The following MSRA variants were observed in gnomAD, a reference collection of about 807,000 sequenced individuals.
The protein encoded by MSRA is mitochondrial peptide methionine sulfoxide reductase.
Under a neutral mutation model 31.3 loss-of-function variants are expected in MSRA, and 54 were observed. The observed-to-expected ratio is 1.73, with a 90% CI of 1.39 to 2.17. MSRA has a LOEUF of 2.17. MSRA is among the 30% of genes most tolerant of loss of function. The pLI is 0.00. For synonymous variants in MSRA, 169 were observed against 116.5 expected, an observed-to-expected ratio of 1.45 and a Z score of -2.90; for missense variants, 507 against 300.9, an observed-to-expected ratio of 1.69 and a Z score of -5.07.
At chr8:10,124,048 C>T (rs1238504259) in intron 1 of MSRA, among the ~76,000 whole-genome samples, 1 of 151,822 alleles carries the variant, frequency 6.6e-6, no homozygotes, top group Non-Finnish European at 1.5e-5. Context: ...CTTGGGATTG[C>T]AGAGGTCGAG....
At chr8:10,406,102 C>T (rs887491501) in intron 5 of MSRA, among the ~76,000 whole-genome samples, 1 of 152,230 alleles carries the variant, frequency 6.6e-6, no homozygotes, top group Non-Finnish European at 1.5e-5. Context: ...CTGCTCTTTC[C>T]CAGTAAGGGG....
At chr8:10,101,224 TCATGGTATTTCC>T (rs1337290501) in intron 1 of MSRA, among the ~76,000 whole-genome samples, 1 of 152,172 alleles carries the variant, frequency 6.6e-6, no homozygotes, top group East Asian at 1.9e-4. Context: ...AGAACAGGGA[TCATGGTATTTCC>T]CTCACACGAT....
intron 1 of MSRA, among the ~76,000 whole-genome samples, chr8:10,066,354 C>G (rs1027379299): frequency 6.6e-6 from 1 of 152,198 alleles, no homozygotes; most frequent in Non-Finnish European, 1.5e-5. Context: ...TTCCAATTTC[C>G]CAACTAACCA....
At chr8:10,057,520 A>G (rs1294363402) in intron 1 of MSRA, among the ~76,000 whole-genome samples, 1 of 151,972 alleles carries the variant, frequency 6.6e-6, no homozygotes. Context: ...TATTGTAATT[A>G]TTGTAAAAGT....
intron 5 of MSRA, among the ~76,000 whole-genome samples, chr8:10,382,171 T>G (rs1806110581): frequency 6.6e-6 from 1 of 152,192 alleles, no homozygotes; most frequent in South Asian, 2.1e-4. Context: ...GTGGTTGAGC[T>G]GCAGTTGTTT....
chr8:10,073,656 C>A (rs1383158235), intron 1 of MSRA, among the ~76,000 whole-genome samples: 1 of 152,020 alleles, frequency 6.6e-6, no homozygotes, highest in Non-Finnish European at 1.5e-5. Flanking sequence ...AGACCTAGAG[C>A]TTGAGCCATT....
chr8:10,412,748 C>A (rs559049499), intron 5 of MSRA, among the ~76,000 whole-genome samples: 1 of 152,258 alleles, frequency 6.6e-6, no homozygotes, highest in South Asian at 2.1e-4. Context: ...TGGAGAAATG[C>A]AGATGACAGC....
chr8:10,350,590 G>A (rs1028119248), intron 5 of MSRA, among the ~76,000 whole-genome samples: 5 of 152,240 alleles, frequency 3.3e-5, no homozygotes, highest in African/African-American at 1.2e-4. Context: ...GTCAGCAGCC[G>A]TAATGTTTGA....
At chr8:10,073,280 C>T (rs59759359) in intron 1 of MSRA, among the ~76,000 whole-genome samples, 15,985 of 152,010 alleles carry the variant, frequency 0.11, 909 homozygotes, top group African/African-American at 0.14. Context: ...TATTGAGTTA[C>T]GGTAGTTCCT....
intron 1 of MSRA, among the ~76,000 whole-genome samples, chr8:10,074,193 C>T (rs1165494615): frequency 6.7e-6 from 1 of 148,810 alleles, no homozygotes; most frequent in Non-Finnish European, 1.5e-5. Flanking sequence ...TACCATTTTC[C>T]TGCCTTATCC....
In MSRA at chr8:10,377,822, A is replaced by G. The variant is rs1246863171; in HGVS notation, c.544-50326A>G. Among the ~76,000 whole-genome samples, 3 of 152,164 alleles carry G rather than the reference A, an allele frequency of 2.0e-5. No individual in the cohort carries two copies. In the East Asian group the frequency reaches 5.8e-4, roughly 29 times the overall value. ...CAGCCACGTGCTGGGTGTGGAGGCA[A>G]GTGGGTCTCCAGGGCAGCCGGCTGG... On this transcript the variant is annotated intron_variant, in intron 5 of 5. Coordinates refer to ENST00000317173, the MANE Select transcript of MSRA (RefSeq NM_012331.5).
chr8:10,357,854 C>G (rs1459644532), intron 5 of MSRA, among the ~76,000 whole-genome samples: 2 of 152,198 alleles, frequency 1.3e-5, no homozygotes, highest in African/African-American at 4.8e-5. Context: ...GACTCAAATT[C>G]AGAACTGTAT....
intron 1 of MSRA, among the ~76,000 whole-genome samples, chr8:10,060,027 C>T (rs1474131829): frequency 6.6e-6 from 1 of 151,816 alleles, no homozygotes; most frequent in East Asian, 1.9e-4. Context: ...TAAATTGGCT[C>T]AACTCCTATG....
intron 1 of MSRA, among the ~76,000 whole-genome samples, chr8:10,144,254 G>A (rs533218803): frequency 7.2e-5 from 11 of 152,298 alleles, no homozygotes; most frequent in Middle Eastern, 3.4e-3. Context: ...GTTTAGGAGC[G>A]AGAACTGTTA....
At chr8:10,381,904 T>G (rs1806093783) in intron 5 of MSRA, among the ~76,000 whole-genome samples, 1 of 152,136 alleles carries the variant, frequency 6.6e-6, no homozygotes, top group African/African-American at 2.4e-5. Context: ...CTGCCACTCT[T>G]GGGACCCCAG....
At chr8:10,207,425 T>G (rs1481612468) in intron 1 of MSRA, among the ~76,000 whole-genome samples, 1 of 152,212 alleles carries the variant, frequency 6.6e-6, no homozygotes, top group Non-Finnish European at 1.5e-5. Context: ...AAATACTGAG[T>G]GCATCAGTGT....
At chr8:10,058,403 A>G (rs1305134435) in intron 1 of MSRA, among the ~76,000 whole-genome samples, 2 of 152,232 alleles carry the variant, frequency 1.3e-5, no homozygotes, top group African/African-American at 4.8e-5. Flanking sequence ...GAACTCTTTT[A>G]AAATAAACTT....
At chr8:10,342,168 T>C (rs1483501750) in intron 5 of MSRA, among the ~76,000 whole-genome samples, 1 of 152,244 alleles carries the variant, frequency 6.6e-6, no homozygotes, top group Non-Finnish European at 1.5e-5. Context: ...GTTGAGATTT[T>C]TCCGCTCATT....
rs954441919 is a variant in MSRA, at chr8:10,054,342, G to A, written c.-175G>A. ...TGACAGCCGGTACGGCCCCGGGTTTGGGCAACCTCGATTACGGGCGGCCTC... is the reference window on the plus strand; with the variant it reads ...TGACAGCCGGTACGGCCCCGGGTTTAGGCAACCTCGATTACGGGCGGCCTC... On this transcript the variant is annotated 5_prime_UTR_variant, in exon 1 of 6. Transcript: ENST00000317173. The A allele has an allele frequency of 9.2e-5, 48 of 523,968 alleles. No homozygotes were observed. The highest frequency in any genetic ancestry group is 7.1e-4 in the African/African-American group (35 of 49,302). The allele number at this position is 523,968 out of a possible 1,614,324, so 32.5% of individuals were successfully genotyped here.
Sources: allele counts gnomAD v4.1 joint callset (sites outside exome capture counted in the v4.1 genomes callset), GRCh38; gene constraint gnomAD v4.1.1; transcripts MANE v1.5; gene names NCBI Gene and HGNC (gene_info 2026-07-23, HGNC 2026-07-21).